AFG2A: variants seen among roughly 807,000 people sequenced by gnomAD.
The protein encoded by AFG2A is AAA ATPase AFG2A.
At chr4:123,239,138 A>G in the AFG2A span, among the ~76,000 whole-genome samples, 1 of 152,202 alleles carries the variant, frequency 6.6e-6, no homozygotes, top group Non-Finnish European at 1.5e-5. Flanking sequence ...GTTTAGAGAA[A>G]AAAGAGTAAA....
At chr4:123,003,685 C>T in the AFG2A span, among the ~76,000 whole-genome samples, 2 of 151,770 alleles carry the variant, frequency 1.3e-5, no homozygotes, top group Non-Finnish European at 2.9e-5. Context: ...CAGAGGAGTA[C>T]CCGGCCGTGT....
chr4:123,229,281 T>A, the AFG2A span, among the ~76,000 whole-genome samples: 1 of 151,872 alleles, frequency 6.6e-6, no homozygotes, highest in African/African-American at 2.4e-5. Flanking sequence ...ATCTGATGAG[T>A]GAATAATCTG....
At chr4:123,269,753 C>A in the AFG2A span, among the ~76,000 whole-genome samples, 1 of 76,774 alleles carries the variant, frequency 1.3e-5, no homozygotes, top group Admixed American at 1.5e-4. Context: ...CATCCTTCGT[C>A]CCCCTTAATG....
At chr4:123,121,377 G>A in the AFG2A span, among the ~76,000 whole-genome samples, 1 of 152,148 alleles carries the variant, frequency 6.6e-6, no homozygotes, top group East Asian at 1.9e-4. Context: ...CTATAGTAGT[G>A]TACAGTAATG....
At chr4:122,924,501 T>A in the AFG2A span, among the ~76,000 whole-genome samples, 1 of 152,228 alleles carries the variant, frequency 6.6e-6, no homozygotes, top group Non-Finnish European at 1.5e-5. Flanking sequence ...ACTTCTTATG[T>A]GTTGTCAAAC....
chr4:123,139,059 A>G, the AFG2A span, among the ~76,000 whole-genome samples: 7 of 152,142 alleles, frequency 4.6e-5, no homozygotes, highest in Non-Finnish European at 1.0e-4. Flanking sequence ...TTTAATAGCT[A>G]TCTGTTTCTT....
chr4:123,306,997 G>A, the AFG2A span, among the ~76,000 whole-genome samples: 1 of 152,162 alleles, frequency 6.6e-6, no homozygotes, highest in Admixed American at 6.5e-5. Flanking sequence ...AAGAAGTTAA[G>A]GAGCTTGAGC....
At chr4:123,020,525 T>C in the AFG2A span, among the ~76,000 whole-genome samples, 1 of 151,988 alleles carries the variant, frequency 6.6e-6, no homozygotes, top group East Asian at 1.9e-4. Flanking sequence ...CCGGCCACTA[T>C]GCCTGGCTAA....
At chr4:123,096,850 T>C in the AFG2A span, among the ~76,000 whole-genome samples, 1 of 152,136 alleles carries the variant, frequency 6.6e-6, no homozygotes, top group South Asian at 2.1e-4. Context: ...CTCATGGAGG[T>C]AGTAAATTGG....
the AFG2A span, among the ~76,000 whole-genome samples, chr4:123,021,258 C>CT: frequency 5.5e-3 from 793 of 143,398 alleles, 4 homozygotes; most frequent in African/African-American, 0.017. Flanking sequence ...ACTCTTTGAG[C>CT]TTTTTTTTTT....
At chr4:122,987,107 A>AT in the AFG2A span, among the ~76,000 whole-genome samples, 2 of 152,014 alleles carry the variant, frequency 1.3e-5, no homozygotes, top group Non-Finnish European at 2.9e-5. Context: ...GACTTAGTCT[A>AT]TTTTGTCTAA....
chr4:123,288,117 G>A, the AFG2A span, among the ~76,000 whole-genome samples: 1 of 152,048 alleles, frequency 6.6e-6, no homozygotes, highest in African/African-American at 2.4e-5. Flanking sequence ...ATTGACCATA[G>A]GATTAGTGAC....
At chr4:122,989,884 ATC>A in the AFG2A span, among the ~76,000 whole-genome samples, 10 of 151,764 alleles carry the variant, frequency 6.6e-5, no homozygotes, top group East Asian at 1.6e-3. Context: ...TTGAGACGAA[ATC>A]TCTCTTTGTT....
chr4:123,016,192 G>A, the AFG2A span, among the ~76,000 whole-genome samples: 1 of 121,028 alleles, frequency 8.3e-6, no homozygotes, highest in Admixed American at 8.2e-5. Flanking sequence ...CCCGGACGGG[G>A]CGGCTGGCCG....
chr4:122,997,621 T>A, the AFG2A span, among the ~76,000 whole-genome samples: 1 of 152,214 alleles, frequency 6.6e-6, no homozygotes, highest in South Asian at 2.1e-4. Context: ...AGTTTTCGTG[T>A]GAATACTTGC....
chr4:123,091,442 G>A, the AFG2A span, among the ~76,000 whole-genome samples: 7 of 152,254 alleles, frequency 4.6e-5, no homozygotes, highest in East Asian at 1.3e-3. Flanking sequence ...TTTCTCTAGA[G>A]AATTGAAGTT....
At chr4:123,176,815 A>T in the AFG2A span, among the ~76,000 whole-genome samples, 2 of 151,306 alleles carry the variant, frequency 1.3e-5, no homozygotes, top group Non-Finnish European at 3.0e-5. Flanking sequence ...CCAGCATCTT[A>T]TCTATATTTA....
the AFG2A span, among the ~76,000 whole-genome samples, chr4:123,054,081 A>G: frequency 1.5e-4 from 23 of 152,324 alleles, no homozygotes; most frequent in East Asian, 2.5e-3. Flanking sequence ...CTGCCAAGGC[A>G]TTAGTGTGCA....
At chr4:122,966,295 C>A in the AFG2A span, among the ~76,000 whole-genome samples, 1 of 152,146 alleles carries the variant, frequency 6.6e-6, no homozygotes, top group East Asian at 1.9e-4. Flanking sequence ...AGTAAACTTA[C>A]CTATTGTTCT....
Sources: gnomAD v4.1 joint callset for allele counts (sites outside exome capture counted in the v4.1 genomes callset) on GRCh38, gnomAD v4.1.1 for gene constraint, MANE v1.5 for transcripts, NCBI Gene and HGNC (gene_info 2026-07-23, HGNC 2026-07-21) for gene names.